ZNF568: variants seen among roughly 807,000 people sequenced by gnomAD.
ZNF568 encodes zinc finger protein 568, also known as p53 inhibitor of SCO2 activation.
ZNF568 carries 11 observed loss-of-function variants against 18.1 expected under a neutral mutation model. The ratio of observed to expected loss-of-function variants is 0.61; its 90% CI spans 0.38 to 1.00. The LOEUF (loss-of-function observed/expected upper bound fraction) is 1.00. Ranked by LOEUF, ZNF568 falls within the 50% of genes least tolerant of loss-of-function variation. ZNF568 has a pLI of 0.01. For missense variants in ZNF568, 639 were observed against 768.2 expected (o/e 0.83, Z 1.99); for synonymous variants, 213 against 246.6 (o/e 0.86, Z 1.28).
At position 36,950,959 on chromosome 19, in the gene ZNF568, T is replaced by C. The variant is rs938265692; in HGVS notation, c.1806T>C (p.Ile602=). The C allele has an allele frequency of 5.6e-6, 9 of 1,613,890 alleles. No homozygotes were observed. The highest frequency in any genetic ancestry group is 7.6e-6 in the Non-Finnish European group (9 of 1,179,936). ...CCTTTTCTCAGTGCTCATTACTTAT[T>C]ATACATATGAGAAGTCATACTGGTG... The part of the protein sequence containing the change: ...GKAFSQCSLL[I]IHMRSHTGEK... The change falls in exon 7 of 7, where the codon ATT becomes ATC. Residue 602 remains isoleucine, a synonymous_variant. Coordinates refer to ENST00000333987, the MANE Select transcript of ZNF568 (RefSeq NM_198539.4).
At chr19:36,997,432 C>A, downstream of ZNF568, 1 of 1,582,794 alleles carries the variant, frequency 6.3e-7, no homozygotes. Flanking sequence ...ACTTGTTCGA[C>A]ATCAAAAAGT....
At chr19:36,965,539 G>A (rs2074187620) in intron 6 of ZNF568, among the ~76,000 whole-genome samples, 2 of 152,040 alleles carry the variant, frequency 1.3e-5, no homozygotes, top group Non-Finnish European at 2.9e-5. Context: ...GTTCTGTCAT[G>A]GATGAGACAG....
chr19:36,997,601 A>G, downstream of ZNF568: 2 of 1,551,650 alleles, frequency 1.3e-6, no homozygotes, highest in African/African-American at 1.4e-5. Flanking sequence ...CTTAGTTGAC[A>G]CCAGAAAATT....
intron 6 of ZNF568, among the ~76,000 whole-genome samples, chr19:36,966,355 C>T (rs1289916090): frequency 6.6e-6 from 1 of 152,148 alleles, no homozygotes; most frequent in African/African-American, 2.4e-5. Context: ...AAACAATCCT[C>T]CTGCCTTAGT....
rs1157835192 is a variant in ZNF568 at position 36,942,598 on chromosome 19, CAAAA to C, written c.358+5372_358+5375del. On this transcript the variant is annotated intron_variant, in intron 6 of 6. Coordinates refer to ENST00000333987, the MANE Select transcript of ZNF568 (RefSeq NM_198539.4). ...TGGGTGACAGGACCAGACTCCGTCTCAAAAAAAAAAAAAAAAAAAGAAGAATAGA... is the reference window on the plus strand; with the variant it reads ...TGGGTGACAGGACCAGACTCCGTCTCAAAAAAAAAAAAAAAGAAGAATAGA... Among the ~76,000 whole-genome samples the C allele has an allele frequency of 4.4e-5, 3 of 68,476 alleles. No individual in the cohort carries two copies. In the Admixed American group the frequency reaches 5.4e-4, roughly 12 times the overall value. The allele number at this position is 68,476 out of a possible 152,430, so 44.9% of individuals were successfully genotyped here.
chr19:36,960,315 A>G (rs2146322218), intron 6 of ZNF568, among the ~76,000 whole-genome samples: 1 of 151,370 alleles, frequency 6.6e-6, no homozygotes, highest in Non-Finnish European at 1.5e-5. Flanking sequence ...ATCGGGTTTC[A>G]CCATGTTGGC....
intron 5 of ZNF568, 83 bp from the exon 6 acceptor site, chr19:36,937,064 G>A (rs1568386042): frequency 6.9e-7 from 1 of 1,439,472 alleles, no homozygotes; most frequent in Non-Finnish European, 9.6e-7. Context: ...TCTTTTATAA[G>A]CCCTCAAGCT....
chr19:36,978,546 C>T (rs544128731), intron 7 of ZNF568, among the ~76,000 whole-genome samples: 1 of 152,242 alleles, frequency 6.6e-6, no homozygotes, highest in African/African-American at 2.4e-5. Flanking sequence ...GTTAATCTTC[C>T]ACACGTTACG....
At position 36,950,949 on chromosome 19, in the gene ZNF568, C is replaced by G; in HGVS notation, c.1796C>G (p.Ser599Ter). Residue 599 changes from serine to a stop codon, truncating the protein, a stop_gained, in exon 7 of 7, where the codon TCA (serine) becomes TGA (stop). Coordinates refer to ENST00000333987, the MANE Select transcript of ZNF568 (RefSeq NM_198539.4). LOFTEE classifies it low-confidence loss of function (END_TRUNC). Reference sequence around the variant, plus strand: ...TGTGGGAAAGCCTTTTCTCAGTGCTCATTACTTATTATACATATGAGAAGT... The same window carrying G: ...TGTGGGAAAGCCTTTTCTCAGTGCTGATTACTTATTATACATATGAGAAGT... ...NKCGKAFSQC[S>*]LLIIHMRSHT... 6.2e-7 allele frequency: 1 copy of G among 1,613,726 alleles called. No individual in the cohort carries two copies. The highest frequency in any genetic ancestry group is 8.5e-7 in the Non-Finnish European group (1 of 1,179,922).
chr19:36,965,827 A>G (rs1365278101), intron 6 of ZNF568, among the ~76,000 whole-genome samples: 1 of 150,772 alleles, frequency 6.6e-6, no homozygotes. Flanking sequence ...CAGCCTCCCA[A>G]TTAGCTGGAA....
intron 6 of ZNF568, among the ~76,000 whole-genome samples, chr19:36,947,163 G>A (rs1016526106): frequency 2.6e-5 from 4 of 151,888 alleles, no homozygotes; most frequent in African/African-American, 7.3e-5. Context: ...TTACAGGCAC[G>A]TACCACCACG....
intron 6 of ZNF568, among the ~76,000 whole-genome samples, chr19:36,965,379 T>G (rs1204776298): frequency 2.0e-5 from 3 of 152,188 alleles, no homozygotes; most frequent in Non-Finnish European, 4.4e-5. Context: ...AAGCATTTTC[T>G]TCCTTAATTT....
chr19:36,997,796 A>G, downstream of ZNF568: 1 of 583,642 alleles, frequency 1.7e-6, no homozygotes, highest in South Asian at 2.2e-5. Context: ...TTATGATTCT[A>G]AGTGTGAGAC....
intron 6 of ZNF568, among the ~76,000 whole-genome samples, chr19:36,962,888 T>A (rs1708903479): frequency 6.6e-6 from 1 of 152,154 alleles, no homozygotes; most frequent in Non-Finnish European, 1.5e-5. Context: ...AGATGCTTTT[T>A]TTTTCTTCTA....
chr19:36,987,015 T>G (rs1223826807), intron 2 of ZNF568, among the ~76,000 whole-genome samples: 1 of 152,204 alleles, frequency 6.6e-6, no homozygotes, highest in Non-Finnish European at 1.5e-5. Context: ...ACTGCAGATT[T>G]GAGTAAATGA....
chr19:36,926,159 C>T (rs575382111), intron 4 of ZNF568, among the ~76,000 whole-genome samples: 37 of 148,044 alleles, frequency 2.5e-4, no homozygotes, highest in Non-Finnish European at 4.5e-4. Context: ...TTCTGATATC[C>T]ATAGCTTTTC....
Position 36,951,103 on chromosome 19 carries a change from C to A in ZNF568, c.*15C>A. The A allele has an allele frequency of 6.7e-7, 1 of 1,486,876 alleles. No homozygotes were observed. The highest frequency in any genetic ancestry group is 8.9e-7 in the Non-Finnish European group (1 of 1,121,338). The allele number at this position is 1,486,876 out of a possible 1,614,324, so 92.1% of individuals were successfully genotyped here. A position where few individuals can be genotyped will look rare whatever the true frequency, so the allele number is the denominator to read the frequency against. On this transcript the variant is annotated 3_prime_UTR_variant, in exon 7 of 7. Coordinates refer to ENST00000333987, the MANE Select transcript of ZNF568 (RefSeq NM_198539.4). The stretch of plus-strand genomic sequence containing the variant: ...AAGTATATTAAATGAAAGAAGGCCT[C>A]TTAAATTCAACCCATGTTTTACTTA...
downstream of ZNF568, among the ~76,000 whole-genome samples, chr19:36,956,670 C>G (rs898227786): frequency 2.0e-5 from 3 of 151,730 alleles, no homozygotes; most frequent in Non-Finnish European, 2.9e-5. Context: ...AATCTTGGCT[C>G]ACTGAAACCT....
At chr19:36,927,885 TA>T (rs1361244076) in intron 4 of ZNF568, among the ~76,000 whole-genome samples, 5 of 49,672 alleles carry the variant, frequency 1.0e-4, no homozygotes, top group Non-Finnish European at 1.3e-4. Flanking sequence ...TATATATATA[TA>T]TTATATATAT....
Sources: allele counts gnomAD v4.1 joint callset (sites outside exome capture counted in the v4.1 genomes callset), GRCh38; gene constraint gnomAD v4.1.1; transcripts MANE v1.5; gene names NCBI Gene and HGNC (gene_info 2026-07-23, HGNC 2026-07-21).